Variants in LARGE1 observed in about 807,000 individuals in gnomAD.
LARGE1 encodes the protein LARGE xylosyl- and glucuronyltransferase 1, also known as xylosyl- and glucuronyltransferase LARGE1.
A neutral mutation model predicts 87.6 loss-of-function variants in LARGE1; 43 were observed. That is an observed-to-expected ratio of 0.49 (90% CI 0.38 to 0.63). LARGE1 has a LOEUF of 0.63. Ranked by LOEUF, LARGE1 falls within the 30% of genes least tolerant of loss-of-function variation. The pLI, the probability that LARGE1 is intolerant of heterozygous loss-of-function variation, is 0.00. For synonymous variants in LARGE1, 434 were observed against 394.6 expected, an observed-to-expected ratio of 1.10 and a Z score of -1.18; for missense variants, 802 against 1,000.2, an observed-to-expected ratio of 0.80 and a Z score of 2.67.
At chr22:33,737,117 A>T (rs1644746567) in intron 2 of LARGE1, among the ~76,000 whole-genome samples, 1 of 152,216 alleles carries the variant, frequency 6.6e-6, no homozygotes, top group South Asian at 2.1e-4. Flanking sequence ...TCAGATGTGC[A>T]GCAGCCTGAA....
intron 3 of LARGE1, among the ~76,000 whole-genome samples, chr22:33,640,415 GA>G (rs2080392697): frequency 6.6e-6 from 1 of 152,208 alleles, no homozygotes; most frequent in African/African-American, 2.4e-5. Context: ...AAGTTAACAT[GA>G]TCAGTAAACA....
At chr22:33,829,304 C>T (rs1047162984) in intron 1 of LARGE1, among the ~76,000 whole-genome samples, 2 of 152,062 alleles carry the variant, frequency 1.3e-5, no homozygotes, top group Non-Finnish European at 2.9e-5. Context: ...CCACCGCACC[C>T]GGTCTTGTAG....
Position 33,274,369 on chromosome 22 carries a change from A to T in LARGE1, c.*58T>A. 1 of 1,564,278 alleles carries T rather than the reference A, an allele frequency of 6.4e-7. No homozygotes were observed. The highest frequency in any genetic ancestry group is 1.1e-5 in the South Asian group (1 of 90,104). On this transcript the variant is annotated 3_prime_UTR_variant, in exon 15 of 15. Transcript: ENST00000397394. ...TTTTGAATTTGAAGGCCGGGCCCCA[A>T]ACAGCGAGTGGCACTTCCCCTACAG...
At chr22:33,295,355 T>C (rs570183758) in intron 12 of LARGE1, among the ~76,000 whole-genome samples, 17 of 152,366 alleles carry the variant, frequency 1.1e-4, no homozygotes, top group African/African-American at 3.4e-4. Flanking sequence ...CACATGTGTG[T>C]GTACATGCGT....
chr22:33,624,479 AG>A (rs371706216), intron 4 of LARGE1, among the ~76,000 whole-genome samples: 3 of 152,308 alleles, frequency 2.0e-5, no homozygotes, highest in African/African-American at 7.2e-5. Flanking sequence ...TTAAAGGCTA[AG>A]AGGGAGTTTG....
chr22:33,783,368 C>T (rs1006231760), intron 1 of LARGE1, among the ~76,000 whole-genome samples: 25 of 152,150 alleles, frequency 1.6e-4, no homozygotes, highest in Non-Finnish European at 2.9e-4. Flanking sequence ...AGTTCGAGAA[C>T]AGCCTGGCCA....
intron 6 of LARGE1, among the ~76,000 whole-genome samples, chr22:33,509,856 C>A (rs746525168): frequency 6.6e-6 from 1 of 152,134 alleles, no homozygotes; most frequent in Non-Finnish European, 1.5e-5. Flanking sequence ...AGAAATGAAT[C>A]GCAGAGAGTG....
intron 2 of LARGE1, among the ~76,000 whole-genome samples, chr22:33,713,116 A>G (rs755297680): frequency 6.6e-6 from 1 of 152,144 alleles, no homozygotes; most frequent in Non-Finnish European, 1.5e-5. Context: ...TCTTATAATT[A>G]ATCAGTTTTA....
At chr22:33,829,487 G>A (rs12168201) in intron 1 of LARGE1, among the ~76,000 whole-genome samples, 2,162 of 152,086 alleles carry the variant, frequency 0.014, 56 homozygotes, top group African/African-American at 0.05. Context: ...GCTTTGCTTC[G>A]CTCATTCCTG....
At chr22:33,480,661 C>CA (rs960889974) in intron 6 of LARGE1, among the ~76,000 whole-genome samples, 18 of 151,396 alleles carry the variant, frequency 1.2e-4, no homozygotes, top group East Asian at 1.9e-4. Flanking sequence ...GATGATAAAA[C>CA]AAAAAAAATT....
chr22:33,907,896 C>T (rs1485606981), intron 1 of LARGE1, among the ~76,000 whole-genome samples: 1 of 152,190 alleles, frequency 6.6e-6, no homozygotes, highest in East Asian at 1.9e-4. Flanking sequence ...CGTGCCCGGC[C>T]TGTGTGAAGA....
At chr22:33,824,157 C>T (rs2062715388) in intron 1 of LARGE1, among the ~76,000 whole-genome samples, 1 of 152,154 alleles carries the variant, frequency 6.6e-6, no homozygotes, top group African/African-American at 2.4e-5. Flanking sequence ...AACATTTCTT[C>T]ATTATATGTA....
At chr22:33,108,470 G>A in the LARGE1 span, 1 of 152,240 alleles carries the variant, frequency 6.6e-6, no homozygotes, top group Non-Finnish European at 1.5e-5. Context: ...GAAGAGAGCT[G>A]TTGTTCCATC....
intron 6 of LARGE1, among the ~76,000 whole-genome samples, chr22:33,560,131 G>A (rs2077812415): frequency 6.6e-6 from 1 of 152,180 alleles, no homozygotes; most frequent in African/African-American, 2.4e-5. Context: ...TAAGAAATGT[G>A]AGACTCCAGG....
In LARGE1 at chr22:33,225,178, C is replaced by T. The variant is rs374842367; in HGVS notation, c.1731-58346G>A. The stretch of plus-strand genomic sequence containing the variant: ...AAGAGGTGTCCCTGGGTGCTACAGC[C>T]GTGGGCATGATAGAGACCAACCAGG... On this transcript the variant is annotated intron_variant, in intron 11 of 11. Coordinates refer to the LARGE1 transcript ENST00000608642. Among the ~76,000 whole-genome samples, 10 of 152,186 alleles carry T rather than the reference C, an allele frequency of 6.6e-5. No individual in the cohort carries two copies. The East Asian group carries it at 9.7e-4, about 15-fold the overall frequency.
chr22:33,333,944 A>T (rs5998878), intron 10 of LARGE1, among the ~76,000 whole-genome samples: 1 of 151,060 alleles, frequency 6.6e-6, no homozygotes, highest in African/African-American at 2.4e-5. Flanking sequence ...CACAGCGAAA[A>T]CCTGTCTCTA....
At chr22:33,368,031 T>C (rs937568836) in intron 9 of LARGE1, among the ~76,000 whole-genome samples, 6 of 152,210 alleles carry the variant, frequency 3.9e-5, no homozygotes, top group Non-Finnish European at 8.8e-5. Context: ...CAGAGAACTA[T>C]AGTATAATAT....
chr22:33,087,061 T>C, the LARGE1 span, among the ~76,000 whole-genome samples: 1 of 152,160 alleles, frequency 6.6e-6, no homozygotes, highest in African/African-American at 2.4e-5. Flanking sequence ...TTCTGTTTTG[T>C]TTCTTTCTTT....
chr22:33,372,779 A>G (rs1268329494), intron 9 of LARGE1, among the ~76,000 whole-genome samples: 1 of 152,224 alleles, frequency 6.6e-6, no homozygotes, highest in Non-Finnish European at 1.5e-5. Context: ...AGGCATAAAA[A>G]TATGTTTCTT....
Sources: gnomAD v4.1 joint callset for allele counts (sites outside exome capture counted in the v4.1 genomes callset) on GRCh38, gnomAD v4.1.1 for gene constraint, MANE v1.5 for transcripts, NCBI Gene and HGNC (gene_info 2026-07-23, HGNC 2026-07-21) for gene names.